Variants in CHEK2 observed in about 807,000 individuals in gnomAD.
CHEK2 encodes checkpoint kinase 2, also known as serine/threonine-protein kinase Chk2.
Under a neutral mutation model 69.1 loss-of-function variants are expected in CHEK2, and 71 were observed. The ratio of observed to expected loss-of-function variants is 1.03; its 90% CI spans 0.85 to 1.25. The LOEUF is 1.25. Among genes scored for constraint, CHEK2 ranks in the 50% most tolerant of loss-of-function variants. CHEK2 has a pLI of 0.00. For missense variants in CHEK2, 664 were observed against 649.6 expected (o/e 1.02, Z -0.24); for synonymous variants, 189 against 226.9 (o/e 0.83, Z 1.50).
intron 2 of CHEK2, among the ~76,000 whole-genome samples, chr22:28,730,910 G>T (rs1442673270): frequency 6.6e-6 from 1 of 151,894 alleles, no homozygotes; most frequent in Non-Finnish European, 1.5e-5. Flanking sequence ...TTAAACATAA[G>T]AGCTAAAACT....
chr22:28,706,144 T>C (rs1289273286), intron 7 of CHEK2, among the ~76,000 whole-genome samples: 1 of 151,672 alleles, frequency 6.6e-6, no homozygotes, highest in African/African-American at 2.4e-5. Context: ...ATACAAAAAT[T>C]ATCTGAATTA....
chr22:28,706,977 C>T (rs997137330), intron 7 of CHEK2, among the ~76,000 whole-genome samples: 2 of 151,980 alleles, frequency 1.3e-5, no homozygotes, highest in African/African-American at 4.8e-5. Flanking sequence ...AGAAAAGGAA[C>T]GGAGAGAAGG....
rs748954413 is a variant in CHEK2 at position 28,687,960 on chromosome 22, A to T, written c.1569T>A (p.Arg523=). ...AQPSTSRKRP[R]EGEAEGAETT... ...TCTCGGCACCCTCGGCTTCCCCTTC[A>T]CGGGGCCGCTTTCGACTAGTAGAAG... The change falls in exon 15 of 15, where the codon CGT becomes CGA. Residue 523 remains arginine (R), a synonymous_variant. Coordinates refer to ENST00000404276, the MANE Select transcript of CHEK2 (RefSeq NM_007194.4). 1 of 1,596,362 alleles carries T rather than the reference A, an allele frequency of 6.3e-7. No homozygotes were observed. The highest frequency in any genetic ancestry group is 8.5e-7 in the Non-Finnish European group (1 of 1,179,710).
chr22:28,709,580 G>A (rs554660964), intron 7 of CHEK2, among the ~76,000 whole-genome samples: 4 of 152,130 alleles, frequency 2.6e-5, no homozygotes, highest in Non-Finnish European at 5.9e-5. Flanking sequence ...ATAAGTTAAA[G>A]AACCCAGGTT....
At position 28,734,329 on chromosome 22, in the gene CHEK2, T is replaced by C. The variant is rs569507600; in HGVS notation, c.319+74A>G. ...AACCTGGACAACTCCAATCAGAACC[T>C]TCCACCTGGTAATACAACTTTCTGT... is the stretch of plus-strand genomic sequence containing the variant. On this transcript the variant is annotated intron_variant, in intron 2 of 14. Coordinates refer to ENST00000404276, the MANE Select transcript of CHEK2 (RefSeq NM_007194.4). The C allele has an allele frequency of 2.0e-5, 29 of 1,461,878 alleles. No homozygotes were observed. The South Asian group carries it at 3.3e-4, about 17-fold the overall frequency. 90.6% of individuals were successfully genotyped at this position (1,461,878 alleles called of 1,614,324 possible).
At chr22:28,714,825 T>C (rs1011836834) in intron 5 of CHEK2, among the ~76,000 whole-genome samples, 5 of 152,136 alleles carry the variant, frequency 3.3e-5, no homozygotes, top group Admixed American at 2.0e-4. Flanking sequence ...TGGTATGAGG[T>C]AAGGGTCCAT....
chr22:28,741,169 A>G (rs9608699), intron 1 of CHEK2, among the ~76,000 whole-genome samples: 71,066 of 136,804 alleles, frequency 0.52, 19,697 homozygotes, highest in Non-Finnish European at 0.6. Context: ...AAAAAAAAAA[A>G]AAAGGTACAG....
chr22:28,692,471 TTTTG>T (rs35397484), intron 13 of CHEK2, among the ~76,000 whole-genome samples: 36 of 150,682 alleles, frequency 2.4e-4, no homozygotes, highest in South Asian at 4.2e-4. Flanking sequence ...ATATGTCTTT[TTTTG>T]TTTGTTTGTT....
At chr22:28,691,825 T>C (rs2052375657) in intron 13 of CHEK2, among the ~76,000 whole-genome samples, 1 of 152,186 alleles carries the variant, frequency 6.6e-6, no homozygotes, top group African/African-American at 2.4e-5. Context: ...GGGCACTCTG[T>C]TAATGACAAA....
At chr22:28,709,110 C>A (rs1304004062) in intron 7 of CHEK2, 4 of 200,810 alleles carry the variant, frequency 2.0e-5, no homozygotes, top group Non-Finnish European at 4.2e-5. Flanking sequence ...GGGAAAAAAA[C>A]AAAAAAAAGC....
chr22:28,706,857 A>G (rs550254883), intron 7 of CHEK2, among the ~76,000 whole-genome samples: 10 of 152,178 alleles, frequency 6.6e-5, no homozygotes, highest in Non-Finnish European at 1.3e-4. Flanking sequence ...CGGAGGTTGC[A>G]GTAAGCCGAG....
intron 1 of CHEK2, 93 bp from the exon 2 acceptor site, chr22:28,734,820 G>T (rs375462525): frequency 9.9e-5 from 70 of 710,162 alleles, no homozygotes; most frequent in Middle Eastern, 3.3e-4. Flanking sequence ...AACAGCAAAA[G>T]AAAAGAAAAA....
intron 4 of CHEK2, 77 bp downstream of exon 4, chr22:28,724,900 G>A (rs2146054031): frequency 6.8e-7 from 1 of 1,471,052 alleles, no homozygotes; most frequent in Non-Finnish European, 9.5e-7. Context: ...ACCATATTCT[G>A]TAAGGACAGG....
intron 7 of CHEK2, among the ~76,000 whole-genome samples, chr22:28,707,756 C>A (rs1404507576): frequency 6.6e-6 from 1 of 151,456 alleles, no homozygotes; most frequent in South Asian, 2.1e-4. Flanking sequence ...TTGCACTGGA[C>A]ACCGGATTTG....
chr22:28,736,225 G>A (rs982576856), intron 1 of CHEK2, among the ~76,000 whole-genome samples: 1 of 152,160 alleles, frequency 6.6e-6, no homozygotes, highest in Non-Finnish European at 1.5e-5. Context: ...GAAAGTTGAG[G>A]AGCATCTGTG....
intron 4 of CHEK2, among the ~76,000 whole-genome samples, chr22:28,723,434 T>C (rs1352035651): frequency 4.7e-5 from 7 of 150,454 alleles, no homozygotes; most frequent in South Asian, 4.2e-4. Flanking sequence ...CCGTCTCTAC[T>C]AAAAATACAA....
In CHEK2 at chr22:28,712,019, T is replaced by C. The variant is rs2053419665; in HGVS notation, c.684-2A>G. 4 of 1,605,454 alleles carry C rather than the reference T, an allele frequency of 2.5e-6. No homozygotes were observed. Among genetic ancestry groups the C allele is most frequent in the Non-Finnish European group, 3.4e-6 (4 of 1,172,926 alleles). On this transcript the variant is annotated splice_acceptor_variant, in intron 5 of 14. Transcript: ENST00000404276. LOFTEE classifies it high-confidence loss of function. ...AGCTTTACCTCTCCACAGGCACCAC[T>C]AGAGGGAAAAACAAAGATAGTGATT...
At position 28,734,717 on chromosome 22, in the gene CHEK2, G is replaced by A. The variant is rs1417811260; in HGVS notation, c.5C>T (p.Ser2Phe). The A allele has an allele frequency of 1.2e-6, 2 of 1,612,608 alleles. No individual in the cohort carries two copies. The highest frequency in any genetic ancestry group is 2.2e-5 in the East Asian group (1 of 44,852). ...CTGAGCCTCAACATCCGACTCCCGA[G>A]ACATCACGACCTCAAAAAGAAAGTG... M[S>F]RESDVEAQQS... The change falls in exon 2 of 15, where the codon TCT (serine) becomes TTT (phenylalanine). Residue 2 changes from serine (S) to phenylalanine (F), a missense_variant. By Grantham distance (155) the Ser-to-Phe change is radical (BLOSUM62 -2). Coordinates refer to ENST00000404276, the MANE Select transcript of CHEK2 (RefSeq NM_007194.4).
chr22:28,695,828 T>A lies in CHEK2; in HGVS notation c.1141A>T (p.Met381Leu), dbSNP rs375130261. Residue 381 changes from methionine to leucine, a missense_variant, in exon 11 of 15, where the codon ATG (methionine) becomes TTG (leucine). Coordinates refer to ENST00000404276, the MANE Select transcript of CHEK2 (RefSeq NM_007194.4). ...HSKILGETSL[M>L]RTLCGTPTYL... ...GTGGGGGTTCCACATAAGGTTCTCA[T>A]GAGAGAGGTCTCTCCCAAAATCTTG... 1 of 1,613,874 alleles carries A rather than the reference T, an allele frequency of 6.2e-7. No homozygotes were observed. Among genetic ancestry groups the A allele is most frequent in the Non-Finnish European group, 8.5e-7 (1 of 1,179,758 alleles).
Sources: gnomAD v4.1 joint callset for allele counts (sites outside exome capture counted in the v4.1 genomes callset) on GRCh38, gnomAD v4.1.1 for gene constraint, MANE v1.5 for transcripts, NCBI Gene and HGNC (gene_info 2026-07-23, HGNC 2026-07-21) for gene names.